The following EVI5 variants were observed in gnomAD, a reference collection of about 807,000 sequenced individuals.
The protein encoded by EVI5 is ecotropic viral integration site 5.
A neutral mutation model predicts 112.0 loss-of-function variants in EVI5; 73 were observed. That is an observed-to-expected ratio of 0.65 (90% CI 0.54 to 0.79). The LOEUF is 0.79. Ranked by LOEUF, EVI5 falls within the 30% of genes least tolerant of loss-of-function variation. The pLI, the probability that EVI5 is intolerant of heterozygous loss-of-function variation, is 0.00. For missense variants in EVI5, 900 were observed against 968.8 expected (o/e 0.93, Z 0.94); for synonymous variants, 305 against 319.9 (o/e 0.95, Z 0.50).
intron 1 of EVI5, among the ~76,000 whole-genome samples, chr1:92,741,880 C>T (rs958727206): frequency 1.3e-5 from 2 of 151,688 alleles, no homozygotes; most frequent in African/African-American, 2.4e-5. Flanking sequence ...TAGAAGAAAA[C>T]GTAAGGGAAA....
intron 18 of EVI5, among the ~76,000 whole-genome samples, chr1:92,583,465 C>T (rs1672275604): frequency 7.9e-6 from 1 of 127,150 alleles, no homozygotes; most frequent in Non-Finnish European, 1.6e-5. Flanking sequence ...AAGCCGAGAT[C>T]ACGCTACTGT....
intron 2 of EVI5, among the ~76,000 whole-genome samples, chr1:92,716,490 AG>A (rs1260318117): frequency 6.6e-6 from 1 of 152,246 alleles, no homozygotes; most frequent in African/African-American, 2.4e-5. Flanking sequence ...GACCAAAGGT[AG>A]ATAAAACCAC....
intron 19 of EVI5, among the ~76,000 whole-genome samples, chr1:92,525,267 CTTTTTTTTT>C (rs745392747): frequency 3.8e-5 from 4 of 104,402 alleles, no homozygotes; most frequent in Non-Finnish European, 1.8e-5. Context: ...ATGACAATGC[CTTTTTTTTT>C]TTTTTTTTTT....
At chr1:92,710,622 G>A (rs1162592639) in intron 2 of EVI5, among the ~76,000 whole-genome samples, 1 of 152,012 alleles carries the variant, frequency 6.6e-6, no homozygotes, top group African/African-American at 2.4e-5. Context: ...ATAAGACATT[G>A]TTTTTCTATC....
intron 19 of EVI5, among the ~76,000 whole-genome samples, chr1:92,546,632 G>T (rs2100691998): frequency 6.6e-6 from 1 of 152,154 alleles, no homozygotes; most frequent in African/African-American, 2.4e-5. Flanking sequence ...GGAGGCGGAG[G>T]TTGCAGTGAG....
chr1:92,569,768 C>T (rs1025666144), intron 18 of EVI5, among the ~76,000 whole-genome samples: 6 of 147,124 alleles, frequency 4.1e-5, no homozygotes, highest in African/African-American at 7.6e-5. Flanking sequence ...GCAGGAGAAT[C>T]GCTTGAACCC....
chr1:92,604,589 G>A (rs1649938231), intron 18 of EVI5, among the ~76,000 whole-genome samples: 1 of 152,096 alleles, frequency 6.6e-6, no homozygotes, highest in Non-Finnish European at 1.5e-5. Context: ...TGTATAAGTA[G>A]AATTAGACTC....
At chr1:92,541,905 C>T (rs1664866408) in intron 19 of EVI5, among the ~76,000 whole-genome samples, 2 of 152,190 alleles carry the variant, frequency 1.3e-5, no homozygotes, top group African/African-American at 4.8e-5. Flanking sequence ...TGCTAATGAT[C>T]ACCTGAGTGG....
At chr1:92,677,630 A>G (rs994341283) in intron 9 of EVI5, among the ~76,000 whole-genome samples, 1 of 152,194 alleles carries the variant, frequency 6.6e-6, no homozygotes, top group Non-Finnish European at 1.5e-5. Context: ...GAAAGGGGAC[A>G]ACTCTTCCTT....
At chr1:92,714,347 A>G (rs1673294472) in intron 2 of EVI5, among the ~76,000 whole-genome samples, 1 of 152,212 alleles carries the variant, frequency 6.6e-6, no homozygotes, top group African/African-American at 2.4e-5. Flanking sequence ...AATCATCTAC[A>G]TTTGGGGAAG....
chr1:92,757,424 T>C (rs1681113775), intron 1 of EVI5, among the ~76,000 whole-genome samples: 1 of 151,684 alleles, frequency 6.6e-6, no homozygotes, highest in South Asian at 2.1e-4. Flanking sequence ...CAGTTTTGAG[T>C]TTTATCTTTG....
chr1:92,622,283 GTAC>G (rs762190937), intron 16 of EVI5: 2 of 441,212 alleles, frequency 4.5e-6, no homozygotes, highest in South Asian at 3.2e-5. Flanking sequence ...GCAATCCTTT[GTAC>G]TTGGTTTTAC....
chr1:92,741,739 C>T (rs915143913), intron 1 of EVI5, among the ~76,000 whole-genome samples: 1 of 152,018 alleles, frequency 6.6e-6, no homozygotes, highest in Non-Finnish European at 1.5e-5. Flanking sequence ...TTTTAGTGCT[C>T]ATTCATAATT....
intron 2 of EVI5, among the ~76,000 whole-genome samples, chr1:92,734,209 G>T (rs1365357615): frequency 6.6e-6 from 1 of 152,202 alleles, no homozygotes; most frequent in East Asian, 1.9e-4. Context: ...GATTTTCTTG[G>T]TATCACTTAA....
chr1:92,514,651 A>G (rs772666210), intron 19 of EVI5, among the ~76,000 whole-genome samples: 2 of 152,172 alleles, frequency 1.3e-5, no homozygotes, highest in Admixed American at 6.5e-5. Context: ...CCATGTACCC[A>G]TCACCTAATT....
intron 19 of EVI5, among the ~76,000 whole-genome samples, chr1:92,553,407 A>G (rs1419086402): frequency 1.3e-5 from 2 of 148,942 alleles, no homozygotes; most frequent in African/African-American, 5.0e-5. Flanking sequence ...GGTTCAAGCG[A>G]TTCTCCTGCC....
chr1:92,778,187 G>A (rs899251668), intron 1 of EVI5, among the ~76,000 whole-genome samples: 3 of 152,186 alleles, frequency 2.0e-5, no homozygotes, highest in Non-Finnish European at 4.4e-5. Flanking sequence ...GATTACAGGG[G>A]TGAGCCACTG....
chr1:92,765,717 T>C (rs942464461), intron 1 of EVI5, among the ~76,000 whole-genome samples: 2 of 152,102 alleles, frequency 1.3e-5, no homozygotes, highest in African/African-American at 4.8e-5. Flanking sequence ...GGAATTATTA[T>C]TACATGAACC....
chr1:92,743,693 G>A (rs1003087318), intron 1 of EVI5, among the ~76,000 whole-genome samples: 3 of 152,044 alleles, frequency 2.0e-5, no homozygotes, highest in African/African-American at 7.2e-5. Context: ...ATGAAATCTG[G>A]GGGAAAAAAT....
Sources: gnomAD v4.1 joint callset for allele counts (sites outside exome capture counted in the v4.1 genomes callset) on GRCh38, gnomAD v4.1.1 for gene constraint, MANE v1.5 for transcripts, NCBI Gene and HGNC (gene_info 2026-07-23, HGNC 2026-07-21) for gene names.